Variants in PPP1R9A observed in about 807,000 individuals in gnomAD.
PPP1R9A encodes the protein neurabin-1.
In PPP1R9A, 59 loss-of-function variants were observed where a neutral mutation model predicts 141.9. The observed-to-expected ratio is 0.42, with a 90% CI of 0.34 to 0.52. The LOEUF (loss-of-function observed/expected upper bound fraction) is 0.52, where lower values mean the gene tolerates loss of function less well. Ranked by LOEUF, PPP1R9A falls within the 20% of genes least tolerant of loss-of-function variation. The pLI, the probability that PPP1R9A is intolerant of heterozygous loss-of-function variation, is 0.10. For synonymous variants in PPP1R9A, 500 were observed against 569.7 expected (o/e 0.88, Z 1.74); for missense variants, 1,444 against 1,611.9 (o/e 0.90, Z 1.78).
chr7:95,134,768 T>A (rs888211154), intron 4 of PPP1R9A, among the ~76,000 whole-genome samples: 1 of 152,168 alleles, frequency 6.6e-6, no homozygotes, highest in Non-Finnish European at 1.5e-5. Context: ...TCAAACACAT[T>A]TGTGAGTGGA....
At chr7:94,931,628 G>T (rs1794165429) in intron 2 of PPP1R9A, among the ~76,000 whole-genome samples, 1 of 152,018 alleles carries the variant, frequency 6.6e-6, no homozygotes, top group South Asian at 2.1e-4. Context: ...GCCCAGGCTG[G>T]AGTACAATGG....
intron 5 of PPP1R9A, among the ~76,000 whole-genome samples, chr7:95,167,133 G>A (rs1831385805): frequency 6.6e-6 from 1 of 152,138 alleles, no homozygotes; most frequent in South Asian, 2.1e-4. Context: ...CAATCATGGT[G>A]GAAGGCAAGG....
At chr7:95,135,800 A>G (rs2152546360) in intron 4 of PPP1R9A, among the ~76,000 whole-genome samples, 1 of 151,106 alleles carries the variant, frequency 6.6e-6, no homozygotes, top group South Asian at 2.1e-4. Flanking sequence ...TCACTTCATG[A>G]AAGTATGTGA....
intron 6 of PPP1R9A, among the ~76,000 whole-genome samples, chr7:95,203,219 G>A (rs1445758593): frequency 2.0e-5 from 3 of 151,862 alleles, no homozygotes; most frequent in African/African-American, 7.3e-5. Flanking sequence ...GCCCTCATGG[G>A]TATGGTTTTT....
chr7:95,202,186 A>G (rs1216546583), intron 6 of PPP1R9A, among the ~76,000 whole-genome samples: 1 of 152,096 alleles, frequency 6.6e-6, no homozygotes, highest in African/African-American at 2.4e-5. Flanking sequence ...TATAAGTCAT[A>G]CTCTAGTAGA....
intron 2 of PPP1R9A, among the ~76,000 whole-genome samples, chr7:95,108,044 G>A (rs1015742001): frequency 1.5e-4 from 23 of 151,902 alleles, no homozygotes; most frequent in African/African-American, 5.1e-4. Flanking sequence ...CTAAGTTTTT[G>A]TATATAGGTA....
rs193216634 is a variant in PPP1R9A at position 95,276,811 on chromosome 7, T to A, written c.3296+2643T>A. On this transcript the variant is annotated intron_variant, in intron 16 of 19. Coordinates refer to ENST00000433360, the MANE Select transcript of PPP1R9A (RefSeq NM_001166160.2). ...CACTTTTCTCTTGCAAGAAAAAAAA[T>A]TTTGAGCTGCTATAGTAATTGGTTA... 2.0e-4 allele frequency among the ~76,000 whole-genome samples: 31 copies of A among 152,192 alleles called. No homozygotes were observed. The East Asian group carries it at 5.2e-3, about 26-fold the overall frequency.
At chr7:94,961,901 TTGAC>T (rs1239696915) in intron 2 of PPP1R9A, among the ~76,000 whole-genome samples, 1 of 151,918 alleles carries the variant, frequency 6.6e-6, no homozygotes, top group Non-Finnish European at 1.5e-5. Context: ...ATCAATATTG[TTGAC>T]TATTTTATAA....
intron 4 of PPP1R9A, among the ~76,000 whole-genome samples, chr7:95,141,622 G>T (rs944083875): frequency 2.9e-4 from 40 of 137,052 alleles, no homozygotes; most frequent in African/African-American, 1.1e-3. Context: ...ACAGTATGTG[G>T]TCTTTTGTGA....
At chr7:94,995,875 T>C (rs768040566) in intron 2 of PPP1R9A, among the ~76,000 whole-genome samples, 3 of 152,168 alleles carry the variant, frequency 2.0e-5, no homozygotes, top group South Asian at 2.1e-4. Context: ...AATTACCTTA[T>C]TGAGTACTAG....
intron 2 of PPP1R9A, among the ~76,000 whole-genome samples, chr7:95,064,302 G>A (rs1236992646): frequency 6.6e-6 from 1 of 152,142 alleles, no homozygotes; most frequent in African/African-American, 2.4e-5. Flanking sequence ...CTCATGGCTA[G>A]TATACTGCTA....
intron 5 of PPP1R9A, among the ~76,000 whole-genome samples, chr7:95,169,496 T>C (rs573288553): frequency 2.0e-5 from 3 of 151,950 alleles, no homozygotes; most frequent in African/African-American, 7.2e-5. Context: ...TTAATAACAA[T>C]GTATGTATAT....
At chr7:95,034,943 A>C (rs1187681064) in intron 2 of PPP1R9A, among the ~76,000 whole-genome samples, 3 of 152,174 alleles carry the variant, frequency 2.0e-5, no homozygotes, top group African/African-American at 7.2e-5. Flanking sequence ...AATTTGCACA[A>C]TATCACAGGG....
intron 2 of PPP1R9A, among the ~76,000 whole-genome samples, chr7:94,918,219 G>A (rs2150679734): frequency 6.6e-6 from 1 of 152,024 alleles, no homozygotes; most frequent in Admixed American, 6.5e-5. Flanking sequence ...TTTTCTCCTG[G>A]TTCTCATCTC....
At chr7:94,924,568 G>T (rs1483507598) in intron 2 of PPP1R9A, among the ~76,000 whole-genome samples, 2 of 152,152 alleles carry the variant, frequency 1.3e-5, no homozygotes, top group African/African-American at 2.4e-5. Context: ...TTGCTCTGTT[G>T]CCCAGGCTGG....
chr7:95,217,883 A>C (rs564823429), intron 7 of PPP1R9A, among the ~76,000 whole-genome samples: 1 of 152,070 alleles, frequency 6.6e-6, no homozygotes, highest in Non-Finnish European at 1.5e-5. Flanking sequence ...TAGTCTTGCT[A>C]TCAGTCTATC....
chr7:95,022,492 C>G (rs1004360165), intron 2 of PPP1R9A, among the ~76,000 whole-genome samples: 1 of 152,150 alleles, frequency 6.6e-6, no homozygotes, highest in African/African-American at 2.4e-5. Flanking sequence ...CCTGACTGCC[C>G]TGGCCAGAAC....
At chr7:95,100,639 C>G (rs1818643160) in intron 2 of PPP1R9A, among the ~76,000 whole-genome samples, 1 of 152,076 alleles carries the variant, frequency 6.6e-6, no homozygotes, top group Non-Finnish European at 1.5e-5. Flanking sequence ...ATGGATGCCA[C>G]TATAAGCAGC....
Position 95,161,908 on chromosome 7 carries a change from G to A in PPP1R9A, c.1691G>A (p.Ser564Asn). ...CAGATTGTGGAAGTGGATGGAATCAGCTTGGTGGGTGTGACACAGAATTTT... is the reference window on the plus strand; with the variant it reads ...CAGATTGTGGAAGTGGATGGAATCAACTTGGTGGGTGTGACACAGAATTTT... ...NDQIVEVDGI[S>N]LVGVTQNFAA... Residue 564 changes from serine (S) to asparagine (N), a missense_variant, in exon 5 of 20, where the codon AGC becomes AAC. Physicochemically the swap from Ser to Asn is conservative, Grantham distance 46. Coordinates refer to ENST00000433360, the MANE Select transcript of PPP1R9A (RefSeq NM_001166160.2). The A allele has an allele frequency of 6.2e-7, 1 of 1,611,286 alleles. No individual in the cohort carries two copies. The highest frequency in any genetic ancestry group is 1.1e-5 in the South Asian group (1 of 90,760).
Sources: allele counts gnomAD v4.1 joint callset (sites outside exome capture counted in the v4.1 genomes callset), GRCh38; gene constraint gnomAD v4.1.1; transcripts MANE v1.5; gene names NCBI Gene and HGNC (gene_info 2026-07-23, HGNC 2026-07-21).